PDE8B: variants seen among roughly 807,000 people sequenced by gnomAD.
PDE8B encodes phosphodiesterase 8B.
In PDE8B, 26 loss-of-function variants were observed where a neutral mutation model predicts 101.3. The ratio of observed to expected loss-of-function variants is 0.26; its 90% CI spans 0.19 to 0.36. The LOEUF is 0.36. Ranked by LOEUF, PDE8B falls within the 10% of genes least tolerant of loss-of-function variation. The pLI, the probability that PDE8B is intolerant of heterozygous loss-of-function variation, is 1.00. For synonymous variants in PDE8B, 424 were observed against 429.3 expected, an observed-to-expected ratio of 0.99 and a Z score of 0.15; for missense variants, 810 against 1,163.1, an observed-to-expected ratio of 0.70 and a Z score of 4.42.
intron 1 of PDE8B, among the ~76,000 whole-genome samples, chr5:77,310,043 A>G (rs537862339): frequency 9.2e-4 from 115 of 124,494 alleles, no homozygotes; most frequent in South Asian, 2.9e-3. Context: ...TCTGCCTCCC[A>G]GGTTCAAGCG....
At chr5:77,206,362 A>G (rs1177646126), upstream of PDE8B, among the ~76,000 whole-genome samples, 1 of 152,242 alleles carries the variant, frequency 6.6e-6, no homozygotes, top group Non-Finnish European at 1.5e-5. Context: ...GTGCTATGAA[A>G]TAAGAAAAAT....
At chr5:77,263,445 A>G (rs985687832) in intron 1 of PDE8B, among the ~76,000 whole-genome samples, 41 of 152,162 alleles carry the variant, frequency 2.7e-4, no homozygotes, top group Non-Finnish European at 2.9e-5. Flanking sequence ...GTTGAATACC[A>G]TGTTTCTGAT....
chr5:77,420,071 A>G (rs1031935195), intron 19 of PDE8B, among the ~76,000 whole-genome samples, 184 bp downstream of exon 19: 4 of 152,160 alleles, frequency 2.6e-5, no homozygotes, highest in African/African-American at 9.7e-5. Flanking sequence ...GTCCACAGCA[A>G]CTCTGAGCTC....
At chr5:77,302,539 G>A (rs911558506) in intron 1 of PDE8B, among the ~76,000 whole-genome samples, 1 of 152,184 alleles carries the variant, frequency 6.6e-6, no homozygotes, top group Admixed American at 6.5e-5. Context: ...CAAACGTTGT[G>A]CACACCGACT....
rs115628774 is a variant in PDE8B at position 77,289,508 on chromosome 5, G to T, written c.340-22486G>T. On this transcript the variant is annotated intron_variant, in intron 1 of 21. Coordinates refer to ENST00000264917, the MANE Select transcript of PDE8B (RefSeq NM_003719.5). Reference sequence around the variant, plus strand: ...CTGTTTTTGAAGAGAAAGCATTTTGGTGGTTACCAGGAGGAAAGAATGGGG... The same window carrying T: ...CTGTTTTTGAAGAGAAAGCATTTTGTTGGTTACCAGGAGGAAAGAATGGGG... 5.3e-3 allele frequency among the ~76,000 whole-genome samples: 810 copies of T among 152,330 alleles called. 8 individuals are homozygous for T. The highest frequency in any genetic ancestry group is 0.019 in the African/African-American group (790 of 41,572).
the PDE8B span, among the ~76,000 whole-genome samples, chr5:77,162,350 A>G: frequency 3.9e-5 from 6 of 152,174 alleles, no homozygotes; most frequent in African/African-American, 1.4e-4. Context: ...GTTTCCCCTA[A>G]GTTCATCTGT....
At chr5:77,095,325 C>T in the PDE8B span, among the ~76,000 whole-genome samples, 2 of 152,176 alleles carry the variant, frequency 1.3e-5, no homozygotes, top group Non-Finnish European at 1.5e-5. Context: ...TCTGCTTTTG[C>T]TTTGCCTGTG....
At position 77,370,862 on chromosome 5, in the gene PDE8B, C is replaced by G. The variant is rs550661483; in HGVS notation, c.1167+17456C>G. On this transcript the variant is annotated intron_variant, in intron 10 of 21. Transcript: ENST00000264917. ...AATTGTAGCCATTTTATTAGGTGTG[C>G]AGGTCTTAATTTGCACTTCTCTGAT... Among the ~76,000 whole-genome samples the G allele has an allele frequency of 3.3e-5, 5 of 152,256 alleles. No homozygotes were observed. The East Asian group carries it at 9.7e-4, about 29-fold the overall frequency.
At chr5:77,357,404 G>A (rs1422059956) in intron 10 of PDE8B, among the ~76,000 whole-genome samples, 2 of 152,184 alleles carry the variant, frequency 1.3e-5, no homozygotes, top group South Asian at 2.1e-4. Context: ...GAGATGGTCA[G>A]CCTCCCCTAA....
At chr5:77,194,725 A>G in the PDE8B span, among the ~76,000 whole-genome samples, 1 of 152,188 alleles carries the variant, frequency 6.6e-6, no homozygotes. Flanking sequence ...TCGTTCACTT[A>G]GCATTTTTTA....
At chr5:77,212,341 T>A (rs1561352528) in intron 1 of PDE8B, among the ~76,000 whole-genome samples, 1 of 152,248 alleles carries the variant, frequency 6.6e-6, no homozygotes, top group Non-Finnish European at 1.5e-5. Flanking sequence ...TTTTAATAGT[T>A]AAAAACTTGG....
At chr5:77,138,385 T>TGTTTTTG in the PDE8B span, among the ~76,000 whole-genome samples, 2 of 152,204 alleles carry the variant, frequency 1.3e-5, no homozygotes, top group African/African-American at 4.8e-5. Context: ...CTGTTGTTTT[T>TGTTTTTG]GTTTTTGCTT....
chr5:77,176,848 C>T, the PDE8B span, among the ~76,000 whole-genome samples: 237 of 152,284 alleles, frequency 1.6e-3, 3 homozygotes, highest in African/African-American at 5.3e-3. Context: ...TGATGGAACT[C>T]ATGCTTGGAG....
At chr5:77,120,755 G>A in the PDE8B span, among the ~76,000 whole-genome samples, 2 of 152,230 alleles carry the variant, frequency 1.3e-5, no homozygotes, top group Non-Finnish European at 2.9e-5. Flanking sequence ...GTACAAGCCT[G>A]TCAGGACCGT....
chr5:77,287,615 T>C (rs566230677), intron 1 of PDE8B, among the ~76,000 whole-genome samples: 55 of 152,336 alleles, frequency 3.6e-4, no homozygotes, highest in African/African-American at 1.3e-3. Context: ...CTCTGTGTCC[T>C]GGATGCCTCT....
chr5:77,258,266 G>C (rs1273999401), intron 1 of PDE8B, among the ~76,000 whole-genome samples: 4 of 141,978 alleles, frequency 2.8e-5, no homozygotes. Context: ...ATCAGCCTGG[G>C]TGACAAAAGC....
intron 17 of PDE8B, among the ~76,000 whole-genome samples, chr5:77,414,192 A>AGG (rs1795075976): frequency 6.6e-6 from 1 of 152,166 alleles, no homozygotes; most frequent in Non-Finnish European, 1.5e-5. Flanking sequence ...GAAAACAGTA[A>AGG]GGGGGTATGT....
the PDE8B span, among the ~76,000 whole-genome samples, chr5:77,137,077 A>G: frequency 6.6e-6 from 1 of 152,070 alleles, no homozygotes; most frequent in Non-Finnish European, 1.5e-5. Context: ...ACCTTTCTCT[A>G]TTCCGCTAAG....
At chr5:77,206,712 T>C (rs1014323489), upstream of PDE8B, among the ~76,000 whole-genome samples, 2 of 152,132 alleles carry the variant, frequency 1.3e-5, no homozygotes, top group African/African-American at 2.4e-5. Context: ...GGAAAGGTTA[T>C]ACTAGATTCA....
Sources: allele counts gnomAD v4.1 joint callset (sites outside exome capture counted in the v4.1 genomes callset), GRCh38; gene constraint gnomAD v4.1.1; transcripts MANE v1.5; gene names NCBI Gene and HGNC (gene_info 2026-07-23, HGNC 2026-07-21).